The following DRG2 variants were observed in gnomAD, a reference collection of about 807,000 sequenced individuals.
DRG2 encodes the protein developmentally regulated GTP binding protein 2.
Under a neutral mutation model 53.4 loss-of-function variants are expected in DRG2, and 36 were observed. That is an observed-to-expected ratio of 0.67 (90% CI 0.52 to 0.89). The LOEUF is 0.89. Among genes scored for constraint, DRG2 ranks in the 40% least tolerant of loss-of-function variants. DRG2 has a pLI of 0.00. For synonymous variants in DRG2, 167 were observed against 192.1 expected (o/e 0.87, Z 1.08); for missense variants, 342 against 481.2 (o/e 0.71, Z 2.71).
intron 1 of DRG2, among the ~76,000 whole-genome samples, chr17:18,092,546 C>T (rs1463527455): frequency 1.3e-5 from 2 of 152,032 alleles, no homozygotes; most frequent in African/African-American, 4.8e-5. Context: ...TCAGTCTCAA[C>T]GACGGCCTCC....
chr17:18,092,651 C>T (rs2045353447), intron 1 of DRG2, among the ~76,000 whole-genome samples: 1 of 151,916 alleles, frequency 6.6e-6, no homozygotes, highest in African/African-American at 2.4e-5. Context: ...CAATATAATA[C>T]CCTAATAGTA....
chr17:18,102,052 A>C (rs1793884723), intron 9 of DRG2, 55 bp downstream of exon 9: 1 of 1,553,796 alleles, frequency 6.4e-7, no homozygotes, highest in Non-Finnish European at 8.8e-7. Context: ...TTCTGACCCC[A>C]GTCGTCAGGC....
At chr17:18,106,669 CACCCTTTTTTTTTTCTGGTTTTTTT>C (rs1198507665) in intron 12 of DRG2, among the ~76,000 whole-genome samples, 183 bp downstream of exon 12, 1 of 148,892 alleles carries the variant, frequency 6.7e-6, no homozygotes, top group Admixed American at 6.8e-5. Flanking sequence ...GGGCCTTCCC[CACCCTTTTTTTTTTCTGGTTTTTTT>C]TTTTTTTTTT....
At chr17:18,094,083 G>C (rs1386223454) in intron 2 of DRG2, 110 bp downstream of exon 2, 1 of 1,430,072 alleles carries the variant, frequency 7.0e-7, no homozygotes, top group Non-Finnish European at 9.4e-7. Flanking sequence ...CAGGGACACA[G>C]AAGACCTGGC....
At chr17:18,093,734 G>T in intron 1 of DRG2, 79 bp from the exon 2 acceptor site, 1 of 1,503,178 alleles carries the variant, frequency 6.7e-7, no homozygotes, top group Non-Finnish European at 9.0e-7. Context: ...GCCAGCACTT[G>T]GCGACATGTG....
At chr17:18,104,595 C>T in intron 10 of DRG2, 28 bp from the exon 11 acceptor site, 2 of 1,613,650 alleles carry the variant, frequency 1.2e-6, no homozygotes, top group South Asian at 1.1e-5. Context: ...TGATGTGTGG[C>T]TGACGTTCTC....
rs2142213730 is a variant in DRG2 at position 18,107,475 on chromosome 17, G to A, written c.*235G>A. On this transcript the variant is annotated 3_prime_UTR_variant, in exon 13 of 13. Transcript: ENST00000225729. ...CTGAGCCCTCTCATGGGGGTTTTGA[G>A]TTTGTAGTGCTGAGCCTGCATCTGT... The A allele has an allele frequency of 5.3e-6, 3 of 567,492 alleles. No homozygotes were observed. The highest frequency in any genetic ancestry group is 9.5e-6 in the Non-Finnish European group (3 of 315,958). The allele number at this position is 567,492 out of a possible 1,614,324, so 35.2% of individuals were successfully genotyped here.
intron 12 of DRG2, among the ~76,000 whole-genome samples, 184 bp from the exon 13 acceptor site, chr17:18,106,970 T>C (rs572281986): frequency 2.0e-5 from 3 of 152,308 alleles, no homozygotes; most frequent in African/African-American, 7.2e-5. Context: ...CATTAGCCAC[T>C]GTGCCTGGCC....
chr17:18,106,392 T>A, intron 11 of DRG2, 41 bp from the exon 12 acceptor site: 1 of 1,612,760 alleles, frequency 6.2e-7, no homozygotes. Flanking sequence ...TGGGGTTAGG[T>A]GAAGCCTCAC....
intron 12 of DRG2, among the ~76,000 whole-genome samples, chr17:18,106,774 T>C (rs77963268): frequency 0.03 from 4,205 of 139,460 alleles, 86 homozygotes; most frequent in Middle Eastern, 0.057. Context: ...CAGTGCAGCC[T>C]CGACATCTGT....
Position 18,099,991 on chromosome 17 carries a change from C to G in DRG2, c.467+268C>G, listed in dbSNP as rs1291980667. 5 of 586,904 alleles carry G rather than the reference C, an allele frequency of 8.5e-6. No individual in the cohort carries two copies. Among genetic ancestry groups the G allele is most frequent in the Admixed American group, 6.1e-5 (2 of 32,868 alleles). 36.4% of individuals were successfully genotyped at this position (586,904 alleles called of 1,614,324 possible). A position where few individuals can be genotyped will look rare whatever the true frequency, so the allele number is the denominator to read the frequency against. On this transcript the variant is annotated intron_variant, in intron 5 of 12. Transcript: ENST00000225729. The surrounding 1 kb of genome is among the most constrained non-coding windows in gnomAD (Gnocchi z 4.4). ...GTTCAGAGGCACAGGTGCCTCATCACTGCCCAGAACCTGCCAGGAGCCCAG... is the reference window on the plus strand; with the variant it reads ...GTTCAGAGGCACAGGTGCCTCATCAGTGCCCAGAACCTGCCAGGAGCCCAG...
At chr17:18,101,094 T>C (rs2142199098) in intron 7 of DRG2, among the ~76,000 whole-genome samples, 1 of 152,232 alleles carries the variant, frequency 6.6e-6, no homozygotes, top group East Asian at 1.9e-4. Flanking sequence ...TAGAGTCAGC[T>C]GTGAGCCCCT....
At chr17:18,089,386 C>T (rs946396917) in intron 1 of DRG2, among the ~76,000 whole-genome samples, 1 of 152,062 alleles carries the variant, frequency 6.6e-6, no homozygotes, top group South Asian at 2.1e-4. Flanking sequence ...GTGATCCACC[C>T]GCCTCGGCCT....
chr17:18,107,250 C>T lies in DRG2; in HGVS notation c.*10C>T, dbSNP rs368826648. 6.2e-7 allele frequency: 1 copy of T among 1,611,860 alleles called. No individual in the cohort carries two copies. The highest frequency in any genetic ancestry group is 1.1e-5 in the South Asian group (1 of 91,038). On this transcript the variant is annotated 3_prime_UTR_variant, in exon 13 of 13. Transcript: ENST00000225729. ...GATCGTGAAGAAGTAACGGCGCCTG[C>T]CGGGCCTCCCGCCCACCTGCCTCGT...
chr17:18,098,589 T>G lies in DRG2; in HGVS notation c.315+230T>G. The stretch of plus-strand genomic sequence containing the variant: ...GAGGTCAGGCCAGCATGTGGCTACT[T>G]TGCCTGGCGCCCCCTGTGCTCTCCT... On this transcript the variant is annotated intron_variant, in intron 3 of 12. Coordinates refer to ENST00000225729, the MANE Select transcript of DRG2 (RefSeq NM_001388.5). The surrounding 1 kb of genome is among the most constrained non-coding windows in gnomAD (Gnocchi z 4.1). 2.0e-6 allele frequency: 1 copy of G among 497,348 alleles called. No homozygotes were observed. 30.8% of individuals were successfully genotyped at this position (497,348 alleles called of 1,614,324 possible).
At chr17:18,090,512 G>C (rs1020806532) in intron 1 of DRG2, among the ~76,000 whole-genome samples, 1 of 139,476 alleles carries the variant, frequency 7.2e-6, no homozygotes, top group African/African-American at 2.7e-5. Flanking sequence ...CGCCTCCCAG[G>C]TTCAAGGGAT....
intron 1 of DRG2, 133 bp from the exon 2 acceptor site, chr17:18,093,680 T>A: frequency 1.6e-5 from 6 of 379,300 alleles, no homozygotes; most frequent in Non-Finnish European, 2.4e-5. Context: ...AGCAGAGAGA[T>A]TTTTTTTTTT....
chr17:18,102,871 G>A (rs2045565143), intron 9 of DRG2, among the ~76,000 whole-genome samples: 1 of 152,170 alleles, frequency 6.6e-6, no homozygotes, highest in Admixed American at 6.5e-5. Flanking sequence ...ACCACAGCCT[G>A]GCAGGCTCCT....
chr17:18,094,080 A>G, intron 2 of DRG2, 107 bp downstream of exon 2: 1 of 1,426,460 alleles, frequency 7.0e-7, no homozygotes, highest in Non-Finnish European at 9.4e-7. Flanking sequence ...CTCCAGGGAC[A>G]CAGAAGACCT....
Sources: allele counts gnomAD v4.1 joint callset (sites outside exome capture counted in the v4.1 genomes callset), GRCh38; gene constraint gnomAD v4.1.1; non-coding constraint Gnocchi (gnomAD v3.1); transcripts MANE v1.5; gene names NCBI Gene and HGNC (gene_info 2026-07-23, HGNC 2026-07-21).